The following CAMK1G variants were observed in gnomAD, a reference collection of about 807,000 sequenced individuals.
The protein encoded by CAMK1G is calcium/calmodulin dependent protein kinase IG, also known as calcium/calmodulin-dependent protein kinase type 1G.
CAMK1G carries 27 observed loss-of-function variants against 54.8 expected under a neutral mutation model. That is an observed-to-expected ratio of 0.49 (90% CI 0.36 to 0.68). CAMK1G has a LOEUF of 0.68. Among genes scored for constraint, CAMK1G ranks in the 30% least tolerant of loss-of-function variants. CAMK1G has a pLI of 0.00. For synonymous variants in CAMK1G, 238 were observed against 224.9 expected (o/e 1.06, Z -0.52); for missense variants, 512 against 591.0 (o/e 0.87, Z 1.39).
intron 1 of CAMK1G, among the ~76,000 whole-genome samples, chr1:209,586,226 T>C (rs1246450065): frequency 1.3e-5 from 2 of 151,040 alleles, no homozygotes; most frequent in African/African-American, 4.8e-5. Flanking sequence ...ACCTCTTGCA[T>C]GGGATTGGGC....
At chr1:209,599,946 C>T (rs1665485854) in intron 2 of CAMK1G, 37 bp from the exon 3 acceptor site, 2 of 1,609,076 alleles carry the variant, frequency 1.2e-6, no homozygotes, top group South Asian at 1.1e-5. Context: ...GATGTCTGCC[C>T]CCTACTAAGT....
At chr1:209,594,872 A>T (rs1283048148) in intron 1 of CAMK1G, 83 bp from the exon 2 acceptor site, 6 of 742,118 alleles carry the variant, frequency 8.1e-6, no homozygotes, top group South Asian at 1.9e-5. Context: ...AGATGTCAGT[A>T]TTGCAGCCTG....
At chr1:209,603,574 C>T (rs955493342) in intron 4 of CAMK1G, among the ~76,000 whole-genome samples, 2 of 152,088 alleles carry the variant, frequency 1.3e-5, no homozygotes, top group South Asian at 2.1e-4. Flanking sequence ...CAAATAGCTG[C>T]GACCCCAACC....
intron 7 of CAMK1G, 126 bp from the exon 8 acceptor site, chr1:209,608,854 T>A: frequency 7.4e-7 from 1 of 1,356,430 alleles, no homozygotes; most frequent in South Asian, 1.4e-5. Flanking sequence ...TGCGTCCTGG[T>A]CACACCACTG....
At chr1:209,588,451 T>G (rs989096145) in intron 1 of CAMK1G, among the ~76,000 whole-genome samples, 3 of 152,102 alleles carry the variant, frequency 2.0e-5, no homozygotes, top group African/African-American at 7.2e-5. Flanking sequence ...GTGATGCTCC[T>G]AAGACTCTGG....
At chr1:209,598,535 G>A (rs1665443858) in intron 2 of CAMK1G, among the ~76,000 whole-genome samples, 1 of 152,166 alleles carries the variant, frequency 6.6e-6, no homozygotes, top group African/African-American at 2.4e-5. Context: ...TGGAGTCTCT[G>A]TCTCTAGGGG....
At chr1:209,594,931 C>A in intron 1 of CAMK1G, 24 bp from the exon 2 acceptor site, 1 of 1,484,856 alleles carries the variant, frequency 6.7e-7, no homozygotes, top group Non-Finnish European at 9.3e-7. Context: ...TTTTCTCCTC[C>A]TTCTCCCACT....
intron 1 of CAMK1G, among the ~76,000 whole-genome samples, chr1:209,586,642 G>A (rs1665109152): frequency 6.6e-6 from 1 of 152,074 alleles, no homozygotes; most frequent in Non-Finnish European, 1.5e-5. Flanking sequence ...CCCACTGCAT[G>A]GCACTTTAGA....
chr1:209,585,631 A>T (rs1665077122), intron 1 of CAMK1G, among the ~76,000 whole-genome samples: 1 of 152,198 alleles, frequency 6.6e-6, no homozygotes, highest in South Asian at 2.1e-4. Flanking sequence ...GCGGTGCCCC[A>T]CCCAGGTGCG....
intron 2 of CAMK1G, among the ~76,000 whole-genome samples, chr1:209,599,764 C>A (rs1320001801): frequency 1.3e-5 from 2 of 152,182 alleles, no homozygotes; most frequent in African/African-American, 2.4e-5. Context: ...CTCTCCCTAG[C>A]TTTTTTATGA....
In CAMK1G at chr1:209,608,986, T is replaced by C. The variant is rs1665715521; in HGVS notation, c.642T>C (p.Cys214=). The C allele has an allele frequency of 6.2e-7, 1 of 1,614,120 alleles. No individual in the cohort carries two copies. The highest frequency in any genetic ancestry group is 8.5e-7 in the Non-Finnish European group (1 of 1,179,988). ...CCTTCCTGTCCTGCTGCAGGCTCTG[T>C]GGATACCCCCCATTCTATGAAGAAA... is the stretch of plus-strand genomic sequence containing the variant. ...SIGVITYILL[C]GYPPFYEETE... Residue 214 remains cysteine (C), a synonymous_variant, in exon 8 of 13, where the codon TGT becomes TGC. Transcript: ENST00000361322.
intron 2 of CAMK1G, among the ~76,000 whole-genome samples, chr1:209,595,490 G>T (rs746945969): frequency 7.2e-5 from 11 of 152,078 alleles, no homozygotes; most frequent in Non-Finnish European, 1.2e-4. Context: ...GCCTCCTTCT[G>T]ACCCACCTGC....
At chr1:209,602,029 G>A (rs1175485843) in intron 3 of CAMK1G, among the ~76,000 whole-genome samples, 1 of 152,118 alleles carries the variant, frequency 6.6e-6, no homozygotes, top group Non-Finnish European at 1.5e-5. Context: ...CTCCTTTACA[G>A]GCAGGCACAG....
rs1665715729 is a variant in CAMK1G at position 209,608,991 on chromosome 1, A to AC, written c.653dup (p.Phe219IlefsTer3). ...CTGTCCTGCTGCAGGCTCTGTGGAT[A>AC]CCCCCCATTCTATGAAGAAACGGAG... On this transcript the variant is annotated frameshift_variant, in exon 8 of 13. Transcript: ENST00000361322. LOFTEE classifies it high-confidence loss of function. The AC allele has an allele frequency of 1.2e-6, 2 of 1,613,698 alleles. No individual in the cohort carries two copies. The highest frequency in any genetic ancestry group is 1.3e-5 in the African/African-American group (1 of 74,832).
chr1:209,601,975 AC>A (rs1558138936), intron 3 of CAMK1G, among the ~76,000 whole-genome samples: 1 of 152,076 alleles, frequency 6.6e-6, no homozygotes, highest in Non-Finnish European at 1.5e-5. Flanking sequence ...TAAGTCCTTA[AC>A]CCCTGTGCTG....
chr1:209,599,978 C>A lies in CAMK1G; in HGVS notation c.93-5C>A. On this transcript the variant is annotated splice_region_variant and splice_polypyrimidine_tract_variant and intron_variant, in intron 2 of 12. Transcript: ENST00000361322. ...AAGTTTTATCTTTTGGTGTCTTCTC[C>A]TCAGAGGAGCTTTCTCAGAAGTTTT... 6.2e-7 allele frequency: 1 copy of A among 1,613,074 alleles called. No individual in the cohort carries two copies. The highest frequency in any genetic ancestry group is 8.5e-7 in the Non-Finnish European group (1 of 1,179,654).
intron 1 of CAMK1G, among the ~76,000 whole-genome samples, chr1:209,589,630 A>G (rs1186778318): frequency 1.3e-5 from 2 of 152,212 alleles, no homozygotes; most frequent in African/African-American, 2.4e-5. Flanking sequence ...CTGGACCTTT[A>G]GTGAGTGCCA....
intron 2 of CAMK1G, among the ~76,000 whole-genome samples, chr1:209,596,590 G>A (rs1665387844): frequency 6.6e-6 from 1 of 151,726 alleles, no homozygotes; most frequent in African/African-American, 2.4e-5. Context: ...ATGAACGTCA[G>A]TATACCCACC....
At chr1:209,602,471 A>G (rs187394230) in intron 3 of CAMK1G, among the ~76,000 whole-genome samples, 36 of 152,312 alleles carry the variant, frequency 2.4e-4, no homozygotes, top group Admixed American at 2.0e-3. Flanking sequence ...GGCTCAGCTC[A>G]CCTGAATCCC....
Sources: gnomAD v4.1 joint callset for allele counts (sites outside exome capture counted in the v4.1 genomes callset) on GRCh38, gnomAD v4.1.1 for gene constraint, MANE v1.5 for transcripts, NCBI Gene and HGNC (gene_info 2026-07-23, HGNC 2026-07-21) for gene names.